KIAA0825: variants seen among roughly 807,000 people sequenced by gnomAD.
KIAA0825 encodes uncharacterized protein KIAA0825.
A neutral mutation model predicts 147.6 loss-of-function variants in KIAA0825; 119 were observed. The ratio of observed to expected loss-of-function variants is 0.81; its 90% confidence interval spans 0.69 to 0.94. The LOEUF (loss-of-function observed/expected upper bound fraction) is 0.94, where lower values mean the gene tolerates loss of function less well. Among genes scored for constraint, KIAA0825 ranks in the 40% least tolerant of loss-of-function variants. The pLI is 0.00. For missense variants in KIAA0825, 1,381 were observed against 1,472.7 expected (o/e 0.94, Z 1.02); for synonymous variants, 470 against 518.1 (o/e 0.91, Z 1.26).
intron 12 of KIAA0825, 68 bp downstream of exon 12, chr5:94,462,319 T>C (rs915459680): frequency 2.4e-6 from 2 of 820,600 alleles, no homozygotes; most frequent in African/African-American, 3.6e-5. Flanking sequence ...TCCATAAGTG[T>C]TATGAAAATA....
At chr5:94,282,713 T>G (rs928085131) in intron 20 of KIAA0825, among the ~76,000 whole-genome samples, 1 of 152,098 alleles carries the variant, frequency 6.6e-6, no homozygotes, top group Non-Finnish European at 1.5e-5. Flanking sequence ...TGCTGGTTAC[T>G]TAACAAAATA....
In KIAA0825 at chr5:94,445,796, C is replaced by T. The variant is rs541805616; in HGVS notation, c.2358-5675G>A. Among the ~76,000 whole-genome samples, 25 of 152,284 alleles carry T rather than the reference C, an allele frequency of 1.6e-4. No homozygotes were observed. In the South Asian group the frequency reaches 5.2e-3, roughly 32 times the overall value. ...ATTTTCACTTTTTAAAATAACTGTT[C>T]CATAGACACTGACTTCCCTCTGAAA... On this transcript the variant is annotated intron_variant, in intron 13 of 20. Transcript: ENST00000682413.
In KIAA0825 at chr5:94,469,909, G is replaced by A. The variant is rs1012013542; in HGVS notation, c.1872+52C>T. 2.5e-5 allele frequency: 35 copies of A among 1,402,978 alleles called. No homozygotes were observed. In the African/African-American group the frequency reaches 4.2e-4, roughly 17 times the overall value. The allele number at this position is 1,402,978 out of a possible 1,614,324, so 86.9% of individuals were successfully genotyped here. On this transcript the variant is annotated intron_variant, in intron 10 of 20. Coordinates refer to ENST00000682413, the MANE Select transcript of KIAA0825 (RefSeq NM_001145678.3). The stretch of plus-strand genomic sequence containing the variant: ...TTCTAATTAGCCAGAAAGCAGGTAC[G>A]CAGTAAAACATATTTGTGTAAAAAG...
intron 5 of KIAA0825, among the ~76,000 whole-genome samples, chr5:94,508,559 C>T (rs1766058639): frequency 6.6e-6 from 1 of 152,106 alleles, no homozygotes; most frequent in African/African-American, 2.4e-5. Flanking sequence ...GTAAGGAAAT[C>T]CCTTAACAGT....
chr5:94,184,046 C>T (rs112730072), intron 20 of KIAA0825, among the ~76,000 whole-genome samples: 6,282 of 152,164 alleles, frequency 0.041, 192 homozygotes, highest in East Asian at 0.15. Context: ...GAGCCTTTAA[C>T]CTGTGGGGAC....
At chr5:94,583,816 C>T (rs902072742) in intron 1 of KIAA0825, among the ~76,000 whole-genome samples, 5 of 152,022 alleles carry the variant, frequency 3.3e-5, no homozygotes, top group Admixed American at 6.6e-5. Context: ...CCCTCTGGGA[C>T]GAAGCTTCCA....
At chr5:94,506,135 A>G (rs1442574816) in intron 5 of KIAA0825, among the ~76,000 whole-genome samples, 1 of 152,210 alleles carries the variant, frequency 6.6e-6, no homozygotes, top group Non-Finnish European at 1.5e-5. Context: ...CTAATACAAC[A>G]AAGGGCTACC....
intron 20 of KIAA0825, among the ~76,000 whole-genome samples, chr5:94,196,510 G>C (rs2150011832): frequency 6.7e-6 from 1 of 149,664 alleles, no homozygotes; most frequent in Middle Eastern, 3.4e-3. Context: ...GTGCAGGTTT[G>C]TTAAATGGGT....
At chr5:94,460,770 G>A (rs1759722097) in intron 12 of KIAA0825, among the ~76,000 whole-genome samples, 1 of 151,850 alleles carries the variant, frequency 6.6e-6, no homozygotes, top group African/African-American at 2.4e-5. Flanking sequence ...TATTTCATTT[G>A]TCAATACAAA....
intron 20 of KIAA0825, among the ~76,000 whole-genome samples, chr5:94,317,435 G>T (rs554429223): frequency 2.2e-4 from 34 of 151,966 alleles, no homozygotes; most frequent in African/African-American, 8.2e-4. Flanking sequence ...TGACTTTGGC[G>T]CTGAAGGCTT....
intron 2 of KIAA0825, among the ~76,000 whole-genome samples, chr5:94,553,190 G>C (rs1775861599): frequency 6.6e-6 from 1 of 152,044 alleles, no homozygotes; most frequent in Non-Finnish European, 1.5e-5. Context: ...TGTAATCCCA[G>C]TACTTTGGGA....
At chr5:94,340,778 GCTCC>G (rs1298742680) in intron 20 of KIAA0825, among the ~76,000 whole-genome samples, 1 of 152,156 alleles carries the variant, frequency 6.6e-6, no homozygotes, top group Non-Finnish European at 1.5e-5. Context: ...CATCAGTTGA[GCTCC>G]TTGATGGAGT....
chr5:94,601,444 G>A (rs1786430307), intron 1 of KIAA0825, among the ~76,000 whole-genome samples: 1 of 152,194 alleles, frequency 6.6e-6, no homozygotes, highest in Non-Finnish European at 1.5e-5. Context: ...CCACAAAGAT[G>A]AGAATCAGTA....
chr5:94,332,997 T>C (rs1033344417), intron 20 of KIAA0825, among the ~76,000 whole-genome samples: 1 of 152,222 alleles, frequency 6.6e-6, no homozygotes, highest in African/African-American at 2.4e-5. Context: ...CTTTTTTTCA[T>C]ATGTTTATTG....
At chr5:94,469,569 C>T (rs1022979532) in intron 10 of KIAA0825, among the ~76,000 whole-genome samples, 1 of 152,102 alleles carries the variant, frequency 6.6e-6, no homozygotes, top group African/African-American at 2.4e-5. Context: ...ATTTATCAAA[C>T]ACATATGGAA....
chr5:94,304,336 A>G (rs1302837813), intron 20 of KIAA0825, among the ~76,000 whole-genome samples: 1 of 152,096 alleles, frequency 6.6e-6, no homozygotes, highest in African/African-American at 2.4e-5. Context: ...CCTGACAATG[A>G]TAAGACATTA....
chr5:94,342,289 T>A (rs1048959079), intron 20 of KIAA0825, among the ~76,000 whole-genome samples: 1 of 152,188 alleles, frequency 6.6e-6, no homozygotes, highest in African/African-American at 2.4e-5. Flanking sequence ...GTAAAATATA[T>A]TGAAACAGTC....
At chr5:94,466,561 A>G (rs1372064138) in intron 10 of KIAA0825, among the ~76,000 whole-genome samples, 2 of 151,582 alleles carry the variant, frequency 1.3e-5, no homozygotes, top group Non-Finnish European at 2.9e-5. Flanking sequence ...CTACTAAGAA[A>G]CCCCATCTCT....
At chr5:94,576,009 C>A (rs1421546107) in intron 2 of KIAA0825, among the ~76,000 whole-genome samples, 1 of 151,970 alleles carries the variant, frequency 6.6e-6, no homozygotes, top group Non-Finnish European at 1.5e-5. Flanking sequence ...GAAGGCATAG[C>A]AAATTAGTGT....
Sources: allele counts gnomAD v4.1 joint callset (sites outside exome capture counted in the v4.1 genomes callset), GRCh38; gene constraint gnomAD v4.1.1; transcripts MANE v1.5; gene names NCBI Gene and HGNC (gene_info 2026-07-23, HGNC 2026-07-21).